Variants in CSMD3 observed in about 807,000 individuals in gnomAD.
CSMD3 encodes the protein CUB and sushi domain-containing protein 3.
In CSMD3, 177 loss-of-function variants were observed where a neutral mutation model predicts 435.2. The ratio of observed to expected loss-of-function variants is 0.41; its 90% CI spans 0.36 to 0.46. The LOEUF (loss-of-function observed/expected upper bound fraction) is 0.46. Among genes scored for constraint, CSMD3 ranks in the 20% least tolerant of loss-of-function variants. The pLI, the probability that CSMD3 is intolerant of heterozygous loss-of-function variation, is 0.34. For synonymous variants in CSMD3, 1,656 were observed against 1,520.5 expected, an observed-to-expected ratio of 1.09 and a Z score of -2.07; for missense variants, 4,265 against 4,504.6, an observed-to-expected ratio of 0.95 and a Z score of 1.52.
At chr8:112,245,226 C>T (rs1425515004) in intron 64 of CSMD3, among the ~76,000 whole-genome samples, 3 of 151,980 alleles carry the variant, frequency 2.0e-5, no homozygotes, top group African/African-American at 7.2e-5. Context: ...TCCTTCCACT[C>T]CTAATTCTCT....
chr8:112,999,381 C>G (rs922041950), intron 6 of CSMD3, among the ~76,000 whole-genome samples: 1 of 151,734 alleles, frequency 6.6e-6, no homozygotes, highest in Non-Finnish European at 1.5e-5. Flanking sequence ...AACCCTATGA[C>G]AGAAGGAGGT....
At chr8:113,049,499 A>G (rs554389047) in intron 5 of CSMD3, among the ~76,000 whole-genome samples, 76 of 152,302 alleles carry the variant, frequency 5.0e-4, no homozygotes, top group Admixed American at 1.4e-3. Context: ...ATTGGCTTTA[A>G]CATAATGTTG....
chr8:112,636,450 A>G (rs988628107), intron 22 of CSMD3, among the ~76,000 whole-genome samples: 26 of 151,814 alleles, frequency 1.7e-4, no homozygotes, highest in Admixed American at 2.6e-4. Flanking sequence ...ATTTTCTGTG[A>G]GCTCTCAAAA....
intron 4 of CSMD3, among the ~76,000 whole-genome samples, chr8:113,130,502 T>C (rs192334987): frequency 5.9e-5 from 9 of 152,272 alleles, no homozygotes; most frequent in East Asian, 3.9e-4. Context: ...TCTGCCATGA[T>C]AGTGGGTTTC....
chr8:112,509,129 C>T (rs916444005), intron 28 of CSMD3, among the ~76,000 whole-genome samples: 2 of 150,952 alleles, frequency 1.3e-5, no homozygotes, highest in Admixed American at 6.6e-5. Context: ...CTCTGTGGCC[C>T]AGGCTGCTGG....
intron 22 of CSMD3, among the ~76,000 whole-genome samples, chr8:112,615,117 T>A (rs1296208610): frequency 1.3e-5 from 2 of 152,078 alleles, no homozygotes; most frequent in African/African-American, 4.8e-5. Flanking sequence ...CCAATGACAA[T>A]TTTTAAGTCT....
intron 70 of CSMD3, among the ~76,000 whole-genome samples, chr8:112,225,491 A>G (rs1812480337): frequency 6.6e-6 from 1 of 152,154 alleles, no homozygotes; most frequent in African/African-American, 2.4e-5. Context: ...TTAATATGAA[A>G]AGTAACTGGA....
intron 5 of CSMD3, among the ~76,000 whole-genome samples, chr8:113,037,394 T>C (rs143327466): frequency 2.5e-3 from 373 of 152,198 alleles, no homozygotes; most frequent in African/African-American, 8.6e-3. Flanking sequence ...TTGTTTTCTA[T>C]TTATGTCATT....
At chr8:112,441,744 G>A (rs900077675) in intron 32 of CSMD3, among the ~76,000 whole-genome samples, 5 of 152,058 alleles carry the variant, frequency 3.3e-5, no homozygotes, top group African/African-American at 1.2e-4. Flanking sequence ...AGGGGGAAAA[G>A]GCCCTTACAA....
intron 5 of CSMD3, among the ~76,000 whole-genome samples, chr8:113,024,971 CAT>C (rs945288995): frequency 5.3e-5 from 8 of 152,258 alleles, no homozygotes; most frequent in Non-Finnish European, 7.4e-5. Context: ...ATAAGTGAGA[CAT>C]GTGGTGTTTG....
rs1833572734 is a variant in CSMD3, at chr8:112,615,227, T to C, written c.3715+21590A>G. Among the ~76,000 whole-genome samples, 3 of 152,134 alleles carry C rather than the reference T, an allele frequency of 2.0e-5. 1 individual carries two copies. Among genetic ancestry groups the C allele is most frequent in the Admixed American group, 2.0e-4 (3 of 15,244 alleles). On this transcript the variant is annotated intron_variant, in intron 22 of 70. Transcript: ENST00000297405. Reference sequence around the variant, plus strand: ...AAATGTAGCATATCAAATTCTACCATAAAATGCATGAACTTGAACTGTCCG... The same window carrying C: ...AAATGTAGCATATCAAATTCTACCACAAAATGCATGAACTTGAACTGTCCG...
At chr8:112,747,183 C>CTTTTTTTTTTTTTTTTTTTTTTTTTTTTT (rs71309787) in intron 13 of CSMD3, among the ~76,000 whole-genome samples, 2 of 26,952 alleles carry the variant, frequency 7.4e-5, no homozygotes, top group African/African-American at 2.6e-4. Context: ...GCACACTTCC[C>CTTTTTTTTTTTTTTTTTTTTTTTTTTTTT]TTTTTTTTTT....
intron 4 of CSMD3, among the ~76,000 whole-genome samples, chr8:113,131,653 G>C (rs1051815936): frequency 6.6e-6 from 1 of 152,124 alleles, no homozygotes; most frequent in African/African-American, 2.4e-5. Context: ...GGGAAATGTG[G>C]GGTTGGAGAC....
At chr8:112,909,309 C>T (rs2082343502) in intron 10 of CSMD3, among the ~76,000 whole-genome samples, 1 of 151,298 alleles carries the variant, frequency 6.6e-6, no homozygotes, top group African/African-American at 2.4e-5. Context: ...TTTTTCCTTG[C>T]CCCAAACTAA....
intron 3 of CSMD3, among the ~76,000 whole-genome samples, chr8:113,209,505 G>A (rs191712859): frequency 1.3e-5 from 2 of 152,236 alleles, no homozygotes; most frequent in East Asian, 3.9e-4. Context: ...AAGTCTTACG[G>A]TGTTAATGTG....
chr8:112,569,742 C>A (rs1012760357), intron 24 of CSMD3, among the ~76,000 whole-genome samples: 1 of 152,114 alleles, frequency 6.6e-6, no homozygotes, highest in Non-Finnish European at 1.5e-5. Context: ...CATCAAGATA[C>A]GTGGGATTAA....
rs73340261 is a variant in CSMD3 at position 113,108,579 on chromosome 8, C to T, written c.710-9616G>A. Among the ~76,000 whole-genome samples, 1,511 of 152,156 alleles carry T rather than the reference C, an allele frequency of 9.9e-3. 36 individuals carry two copies. The highest frequency in any genetic ancestry group is 0.035 in the African/African-American group (1,436 of 41,494). On this transcript the variant is annotated intron_variant, in intron 4 of 70. Coordinates refer to ENST00000297405, the MANE Select transcript of CSMD3 (RefSeq NM_198123.2). ...ACATAACTATTCGCAGATTCCAGAA[C>T]TGTGTATGTAGGACATTTTTTTAAA...
chr8:113,279,383 A>G (rs1270957284), intron 2 of CSMD3, among the ~76,000 whole-genome samples: 3 of 151,418 alleles, frequency 2.0e-5, no homozygotes, highest in Non-Finnish European at 4.4e-5. Flanking sequence ...TAAAATAGAA[A>G]CAATAAATAT....
intron 1 of CSMD3, among the ~76,000 whole-genome samples, chr8:113,364,889 G>T (rs776165968): frequency 5.3e-5 from 8 of 151,934 alleles, no homozygotes; most frequent in Non-Finnish European, 7.4e-5. Flanking sequence ...AAATTAAAAG[G>T]TTTCTGGACC....
Sources: allele counts gnomAD v4.1 joint callset (sites outside exome capture counted in the v4.1 genomes callset), GRCh38; gene constraint gnomAD v4.1.1; transcripts MANE v1.5; gene names NCBI Gene and HGNC (gene_info 2026-07-23, HGNC 2026-07-21).